The following SLC29A4 variants were observed in gnomAD, a reference collection of about 807,000 sequenced individuals.
SLC29A4 encodes solute carrier family 29 member 4.
SLC29A4 carries 36 observed loss-of-function variants against 43.9 expected under a neutral mutation model. The ratio of observed to expected loss-of-function variants is 0.82; its 90% CI spans 0.63 to 1.08. SLC29A4 has a LOEUF of 1.08. Ranked by LOEUF, SLC29A4 falls within the 50% of genes least tolerant of loss-of-function variation. The pLI is 0.00. For synonymous variants in SLC29A4, 491 were observed against 338.0 expected, an observed-to-expected ratio of 1.45 and a Z score of -4.97; for missense variants, 869 against 755.3, an observed-to-expected ratio of 1.15 and a Z score of -1.77.
In SLC29A4 at chr7:5,297,137, G is replaced by T. The variant is rs1295461174; in HGVS notation, c.821G>T (p.Gly274Val). 2 of 1,605,212 alleles carry T rather than the reference G, an allele frequency of 1.2e-6. No homozygotes were observed. The highest frequency in any genetic ancestry group is 1.7e-6 in the Non-Finnish European group (2 of 1,179,436). ...CGTGACAGCCACCGGGGCAGGCCAG[G>T]CCTGGGCAGGGGCTATGGCTACCGC... ...RPRDSHRGRP[G>V]LGRGYGYRVH... Residue 274 changes from glycine to valine, a missense_variant, in exon 7 of 11, where the codon GGC becomes GTC. Transcript: ENST00000396872.
At position 5,297,188 on chromosome 7, in the gene SLC29A4, A is replaced by G. The variant is rs376762145; in HGVS notation, c.872A>G (p.Asp291Gly). Residue 291 changes from aspartate (D) to glycine (G), a missense_variant, in exon 7 of 11, where the codon GAC (aspartate) becomes GGC (glycine). Asp to Gly is a moderately conservative substitution (Grantham distance 94, BLOSUM62 -1). Coordinates refer to ENST00000396872, the MANE Select transcript of SLC29A4 (RefSeq NM_153247.4). ...YRVHHDVVAGDVHFEHPAPAL... is the reference protein window; with the variant it reads ...YRVHHDVVAGGVHFEHPAPAL... ...GTGCACCACGACGTTGTCGCCGGGG[A>G]CGTCCACTTCGTAAGTGCGCACCGC... The G allele has an allele frequency of 2.8e-4, 450 of 1,588,894 alleles. 3 individuals are homozygous for G. The South Asian group carries it at 4.8e-3, about 17-fold the overall frequency.
intron 1 of SLC29A4, among the ~76,000 whole-genome samples, chr7:5,287,417 G>GAA (rs199755250): frequency 3.3e-5 from 4 of 121,510 alleles, no homozygotes; most frequent in Non-Finnish European, 5.3e-5. Flanking sequence ...GACCCTGTCT[G>GAA]AAAAAAAAAA....
rs753009820 is a variant in SLC29A4 at position 5,291,746 on chromosome 7, C to G, written c.469C>G (p.Leu157Val). Residue 157 changes from leucine to valine, a missense_variant, in exon 5 of 11, where the codon CTG becomes GTG. Leu to Val is a conservative substitution (Grantham distance 32, BLOSUM62 1). Coordinates refer to ENST00000396872, the MANE Select transcript of SLC29A4 (RefSeq NM_153247.4). ...LLFISICDVW[L>V]QLFSRDQAYA... ...TTTTATCAGCATCTGCGACGTGTGG[C>G]TGCAGCTCTTCTCTCGGGACCAGGC... is the stretch of plus-strand genomic sequence containing the variant. The G allele has an allele frequency of 6.2e-7, 1 of 1,612,008 alleles. No individual in the cohort carries two copies. The highest frequency in any genetic ancestry group is 8.5e-7 in the Non-Finnish European group (1 of 1,179,818).
intron 6 of SLC29A4, 25 bp from the exon 7 acceptor site, chr7:5,296,911 C>G: frequency 6.4e-7 from 1 of 1,568,018 alleles, no homozygotes; most frequent in African/African-American, 1.3e-5. Context: ...GGATCAGGCC[C>G]CGGCCCACTG....
At chr7:5,302,288 C>G (rs764171860) in intron 10 of SLC29A4, among the ~76,000 whole-genome samples, 1 of 152,154 alleles carries the variant, frequency 6.6e-6, no homozygotes, top group Non-Finnish European at 1.5e-5. Context: ...TAGGGCCAGG[C>G]TCACTGGCTC....
chr7:5,299,206 G>A (rs1486903804), intron 8 of SLC29A4, 34 bp from the exon 9 acceptor site: 3 of 1,600,522 alleles, frequency 1.9e-6, no homozygotes, highest in Non-Finnish European at 2.6e-6. Context: ...GTCCCCGTGG[G>A]CGCTGCCTCT....
chr7:5,283,470 C>T (rs1784774968), intron 1 of SLC29A4, among the ~76,000 whole-genome samples: 1 of 152,026 alleles, frequency 6.6e-6, no homozygotes, highest in Non-Finnish European at 1.5e-5. Flanking sequence ...GCCTGGGCTC[C>T]GGGGTCACCT....
intron 5 of SLC29A4, among the ~76,000 whole-genome samples, chr7:5,294,457 G>C (rs1367465599): frequency 1.3e-5 from 2 of 152,122 alleles, no homozygotes; most frequent in African/African-American, 2.4e-5. Context: ...TCTCACTTTT[G>C]CTGCCTGTCT....
At chr7:5,298,262 C>T (rs1035635170) in intron 7 of SLC29A4, among the ~76,000 whole-genome samples, 4 of 152,150 alleles carry the variant, frequency 2.6e-5, no homozygotes, top group African/African-American at 9.7e-5. Context: ...AGGGGTGCGT[C>T]CCTCTCATGG....
In SLC29A4 at chr7:5,299,059, C is replaced by A. The variant is rs143047317; in HGVS notation, c.954C>A (p.Ser318Arg). ...KDSPAHEVTG[S>R]GGAYMRFDVP... ...GCCCAGCCCACGAGGTGACCGGCAG[C>A]GGCGGGGCCTACATGCGCTTTGATG... The change falls in exon 8 of 11, where the codon AGC (serine) becomes AGA (arginine). Residue 318 changes from serine to arginine, a missense_variant. Transcript: ENST00000396872. 6.2e-7 allele frequency: 1 copy of A among 1,611,328 alleles called. No individual in the cohort carries two copies. The highest frequency in any genetic ancestry group is 8.5e-7 in the Non-Finnish European group (1 of 1,179,688).
Position 5,306,455 on chromosome 7 carries a change from A to T in SLC29A4, c.*3516A>T, listed in dbSNP as rs1393517518. The stretch of plus-strand genomic sequence containing the variant: ...AGTGATCCTCCCGCCTCGGCCTCCT[A>T]AAGTGCTGGGATTACAGGCACGCTC... On this transcript the variant is annotated 3_prime_UTR_variant, in exon 11 of 11. Coordinates refer to ENST00000396872, the MANE Select transcript of SLC29A4 (RefSeq NM_153247.4). 6.6e-6 allele frequency: 1 copy of T among 151,786 alleles called. No homozygotes were observed. Among genetic ancestry groups the T allele is most frequent in the South Asian group, 2.1e-4 (1 of 4,812 alleles). 9.4% of individuals were successfully genotyped at this position (151,786 alleles called of 1,614,324 possible).
At position 5,306,367 on chromosome 7, in the gene SLC29A4, G is replaced by A. The variant is rs1384131310; in HGVS notation, c.*3428G>A. 1 of 151,184 alleles carries A rather than the reference G, an allele frequency of 6.6e-6. No individual in the cohort carries two copies. Among genetic ancestry groups the A allele is most frequent in the Non-Finnish European group, 1.5e-5 (1 of 67,912 alleles). 9.4% of individuals were successfully genotyped at this position (151,184 alleles called of 1,614,324 possible). A position where few individuals can be genotyped will look rare whatever the true frequency, so the allele number is the denominator to read the frequency against. On this transcript the variant is annotated 3_prime_UTR_variant, in exon 11 of 11. Transcript: ENST00000396872. ...GGGCCACCACACCCGGCTAATTTTT[G>A]TATTTTTAGTAGAGACGGGGTTTCA...
rs752079270 is a variant in SLC29A4 at position 5,297,215 on chromosome 7, C to T, written c.882+17C>T. 5 of 1,556,978 alleles carry T rather than the reference C, an allele frequency of 3.2e-6. No homozygotes were observed. Among genetic ancestry groups the T allele is most frequent in the East Asian group, 2.3e-5 (1 of 44,174 alleles). ...GTCCACTTCGTAAGTGCGCACCGCC[C>T]ACCTCTGTTCCCTTCTCTGTCCCCT... On this transcript the variant is annotated intron_variant, in intron 7 of 10. Coordinates refer to ENST00000396872, the MANE Select transcript of SLC29A4 (RefSeq NM_153247.4).
Position 5,304,401 on chromosome 7 carries a change from C to G in SLC29A4, c.*1462C>G, listed in dbSNP as rs1239282042. 1 of 151,448 alleles carries G rather than the reference C, an allele frequency of 6.6e-6. No individual in the cohort carries two copies. Among genetic ancestry groups the G allele is most frequent in the Non-Finnish European group, 1.5e-5 (1 of 68,000 alleles). 9.4% of individuals were successfully genotyped at this position (151,448 alleles called of 1,614,324 possible). ...GGGCTTGGCCCCTGCCCCTCAGGGACTGCACTGCATCCTAGGAGTCAGAGC... is the reference window on the plus strand; with the variant it reads ...GGGCTTGGCCCCTGCCCCTCAGGGAGTGCACTGCATCCTAGGAGTCAGAGC... On this transcript the variant is annotated 3_prime_UTR_variant, in exon 11 of 11. Coordinates refer to ENST00000396872, the MANE Select transcript of SLC29A4 (RefSeq NM_153247.4).
intron 2 of SLC29A4, among the ~76,000 whole-genome samples, chr7:5,289,817 A>G (rs6963810): frequency 0.64 from 97,725 of 151,916 alleles, 32,155 homozygotes; most frequent in Middle Eastern, 0.69. Flanking sequence ...GTACAACCCC[A>G]GACATGCTGA....
At chr7:5,287,744 G>C in intron 1 of SLC29A4, 65 bp from the exon 2 acceptor site, 2 of 1,522,390 alleles carry the variant, frequency 1.3e-6, no homozygotes, top group African/African-American at 2.8e-5. Flanking sequence ...TTATGGGTCA[G>C]TGCATGAGCC....
chr7:5,296,871 G>A (rs1304531860), intron 6 of SLC29A4, 65 bp from the exon 7 acceptor site: 1 of 1,478,208 alleles, frequency 6.8e-7, no homozygotes, highest in Admixed American at 2.3e-5. Context: ...ACGGGGCTGG[G>A]GCGGGACGGG....
In SLC29A4 at chr7:5,305,264, T is replaced by G. The variant is rs1446311618; in HGVS notation, c.*2325T>G. The G allele has an allele frequency of 6.6e-6, 1 of 152,306 alleles. No individual in the cohort carries two copies. Among genetic ancestry groups the G allele is most frequent in the African/African-American group, 2.4e-5 (1 of 41,462 alleles). 9.4% of individuals were successfully genotyped at this position (152,306 alleles called of 1,614,324 possible). On this transcript the variant is annotated 3_prime_UTR_variant, in exon 11 of 11. Transcript: ENST00000396872. ...CCACTTGGGCCAAGACTGCGCCAGG[T>G]GACACCAGAGTGTTTCCCAGAGCCC...
intron 3 of SLC29A4, 71 bp from the exon 4 acceptor site, chr7:5,291,053 G>A: frequency 6.3e-7 from 1 of 1,576,534 alleles, no homozygotes; most frequent in Non-Finnish European, 8.7e-7. Context: ...CTTCTGGGAG[G>A]TCTCACCTGG....
Sources: allele counts gnomAD v4.1 joint callset (sites outside exome capture counted in the v4.1 genomes callset), GRCh38; gene constraint gnomAD v4.1.1; transcripts MANE v1.5; gene names NCBI Gene and HGNC (gene_info 2026-07-23, HGNC 2026-07-21).